RFX4: variants seen among roughly 807,000 people sequenced by gnomAD.
RFX4 encodes transcription factor RFX4.
In RFX4, 10 loss-of-function variants were observed where a neutral mutation model predicts 95.0. That is an observed-to-expected ratio of 0.11 (90% CI 0.06 to 0.18). The LOEUF (loss-of-function observed/expected upper bound fraction) is 0.18. RFX4 is among the 10% of genes least tolerant of loss of function. The pLI is 1.00. For missense variants in RFX4, 640 were observed against 922.0 expected, an observed-to-expected ratio of 0.69 and a Z score of 3.96; for synonymous variants, 321 against 340.7, an observed-to-expected ratio of 0.94 and a Z score of 0.64.
rs986296546 is a variant in RFX4, at chr12:106,712,138, C to T, written c.993+627C>T. The stretch of plus-strand genomic sequence containing the variant: ...CATTAAAATATTAATGACCTTAAAG[C>T]AGAGGTGGCAAACCGGTGGCCACAG... On this transcript the variant is annotated intron_variant, in intron 10 of 17. Transcript: ENST00000392842. 3.3e-5 allele frequency among the ~76,000 whole-genome samples: 5 copies of T among 152,360 alleles called. No individual in the cohort carries two copies. In the South Asian group the frequency reaches 6.2e-4, roughly 19 times the overall value.
At chr12:106,676,435 T>A (rs1441537639) in intron 4 of RFX4, among the ~76,000 whole-genome samples, 1 of 152,184 alleles carries the variant, frequency 6.6e-6, no homozygotes, top group Non-Finnish European at 1.5e-5. Flanking sequence ...CTCTGCTAAG[T>A]CAGGTGACCG....
chr12:106,664,808 G>A (rs2041142715), intron 4 of RFX4, among the ~76,000 whole-genome samples: 1 of 151,626 alleles, frequency 6.6e-6, no homozygotes, highest in Non-Finnish European at 1.5e-5. Context: ...GAGTTATGTA[G>A]AATTGTTGTT....
intron 15 of RFX4, among the ~76,000 whole-genome samples, chr12:106,742,643 T>TCCA (rs2042826477): frequency 6.6e-6 from 1 of 152,176 alleles, no homozygotes; most frequent in Non-Finnish European, 1.5e-5. Context: ...AATCAGAATC[T>TCCA]GCATTTTTAA....
At chr12:106,749,822 C>G (rs768923791) in intron 16 of RFX4, among the ~76,000 whole-genome samples, 3 of 152,120 alleles carry the variant, frequency 2.0e-5, no homozygotes, top group Non-Finnish European at 4.4e-5. Context: ...GATTTAGAAC[C>G]AGGGTCTTTG....
At chr12:106,672,290 CA>C (rs1050048968) in intron 4 of RFX4, among the ~76,000 whole-genome samples, 1 of 152,164 alleles carries the variant, frequency 6.6e-6, no homozygotes, top group African/African-American at 2.4e-5. Flanking sequence ...AGAATTCCAA[CA>C]GCTCCAGAGA....
At chr12:106,638,824 G>T (rs1014027339) in intron 2 of RFX4, among the ~76,000 whole-genome samples, 4 of 152,074 alleles carry the variant, frequency 2.6e-5, no homozygotes, top group African/African-American at 9.7e-5. Context: ...GCTCTCTGGG[G>T]TCTCTTTCAT....
chr12:106,717,000 C>CAAAAAAAA, intron 11 of RFX4, among the ~76,000 whole-genome samples: 1 of 60,484 alleles, frequency 1.7e-5, no homozygotes, highest in Non-Finnish European at 3.2e-5. Flanking sequence ...GCACAGGAGA[C>CAAAAAAAA]AAAAAAAAAA....
intron 11 of RFX4, 106 bp from the exon 12 acceptor site, chr12:106,719,854 T>C: frequency 1.2e-6 from 1 of 862,258 alleles, no homozygotes; most frequent in Non-Finnish European, 1.9e-6. Flanking sequence ...TTTTATTTAT[T>C]TAAAGTTTTA....
chr12:106,704,099 A>G (rs927996997), intron 8 of RFX4, among the ~76,000 whole-genome samples: 2 of 151,380 alleles, frequency 1.3e-5, no homozygotes, highest in South Asian at 2.1e-4. Flanking sequence ...AAAGGCTGAA[A>G]TGACTTGTCT....
chr12:106,634,412 C>T (rs1392453854), intron 2 of RFX4, among the ~76,000 whole-genome samples: 1 of 152,162 alleles, frequency 6.6e-6, no homozygotes, highest in African/African-American at 2.4e-5. Context: ...CCAAGGGCAA[C>T]CTTTCCCCGC....
intron 9 of RFX4, among the ~76,000 whole-genome samples, chr12:106,710,806 C>T (rs2042178298): frequency 2.0e-5 from 3 of 152,304 alleles, no homozygotes; most frequent in African/African-American, 7.2e-5. Flanking sequence ...AGGGCAGGCA[C>T]ATGTCTTGTC....
chr12:106,715,515 G>A lies in RFX4; in HGVS notation c.1109G>A (p.Arg370His), dbSNP rs746261568. 1.5e-5 allele frequency: 25 copies of A among 1,614,004 alleles called. No homozygotes were observed. The highest frequency in any genetic ancestry group is 1.1e-4 in the South Asian group (10 of 91,082). The change falls in exon 11 of 18, where the codon CGC becomes CAC. Residue 370 changes from arginine to histidine, a missense_variant. Physicochemically the swap from Arg to His is conservative, Grantham distance 29 (BLOSUM62 0). Transcript: ENST00000392842. ...ACCCTTTACACCATGGAAGACTCTC[G>A]CGATGAGCACCGGAAACTCATCACC... is the stretch of plus-strand genomic sequence containing the variant. ...KQTLYTMEDSRDEHRKLITQL... is the reference protein window; with the variant it reads ...KQTLYTMEDSHDEHRKLITQL...
chr12:106,685,986 A>C (rs2041636493), intron 5 of RFX4, among the ~76,000 whole-genome samples: 1 of 152,252 alleles, frequency 6.6e-6, no homozygotes, highest in Admixed American at 6.5e-5. Context: ...AATTGAAAAC[A>C]TTGCTAATAT....
At chr12:106,638,607 G>C (rs192242747) in intron 2 of RFX4, among the ~76,000 whole-genome samples, 4 of 152,134 alleles carry the variant, frequency 2.6e-5, no homozygotes, top group Non-Finnish European at 4.4e-5. Flanking sequence ...TGTGGGTTAT[G>C]AACAACAGAG....
chr12:106,728,008 A>G (rs1482982229), intron 13 of RFX4, among the ~76,000 whole-genome samples: 1 of 152,212 alleles, frequency 6.6e-6, no homozygotes, highest in East Asian at 1.9e-4. Context: ...ACAATTCATA[A>G]TAGCAAAAGA....
intron 1 of RFX4, among the ~76,000 whole-genome samples, chr12:106,603,254 C>T (rs1021196746): frequency 1.1e-4 from 17 of 152,304 alleles, no homozygotes; most frequent in African/African-American, 3.1e-4. Flanking sequence ...CTGCCTTGGA[C>T]GTGCCATGTC....
At chr12:106,588,229 C>G (rs1437769028) in intron 1 of RFX4, among the ~76,000 whole-genome samples, 1 of 152,170 alleles carries the variant, frequency 6.6e-6, no homozygotes, top group African/African-American at 2.4e-5. Context: ...ATGAACAACT[C>G]TTTTTAAAGG....
chr12:106,690,506 C>A (rs956032551), intron 7 of RFX4, among the ~76,000 whole-genome samples: 1 of 152,140 alleles, frequency 6.6e-6, no homozygotes, highest in African/African-American at 2.4e-5. Context: ...CTCTGCAAAT[C>A]TTAGCACACT....
intron 7 of RFX4, among the ~76,000 whole-genome samples, chr12:106,692,275 C>T (rs1366282665): frequency 6.6e-6 from 1 of 152,172 alleles, no homozygotes; most frequent in Non-Finnish European, 1.5e-5. Context: ...AAATCTGCCA[C>T]TGACTAGCCT....
Sources: gnomAD v4.1 joint callset for allele counts (sites outside exome capture counted in the v4.1 genomes callset) on GRCh38, gnomAD v4.1.1 for gene constraint, MANE v1.5 for transcripts, NCBI Gene and HGNC (gene_info 2026-07-23, HGNC 2026-07-21) for gene names.